ZSWIM6: variants seen among roughly 807,000 people sequenced by gnomAD.
ZSWIM6 encodes the protein zinc finger SWIM-type containing 6.
In ZSWIM6, 9 loss-of-function variants were observed where a neutral mutation model predicts 113.2. That is an observed-to-expected ratio of 0.08 (90% CI 0.05 to 0.14). The LOEUF is 0.14. ZSWIM6 is among the 10% of genes least tolerant of loss of function. The pLI, the probability that ZSWIM6 is intolerant of heterozygous loss-of-function variation, is 1.00. For synonymous variants in ZSWIM6, 611 were observed against 606.5 expected, an observed-to-expected ratio of 1.01 and a Z score of -0.11; for missense variants, 1,162 against 1,552.2, an observed-to-expected ratio of 0.75 and a Z score of 4.22.
chr5:61,487,581 G>C (rs959937030), intron 2 of ZSWIM6, among the ~76,000 whole-genome samples: 3 of 151,674 alleles, frequency 2.0e-5, no homozygotes, highest in African/African-American at 7.3e-5. Flanking sequence ...CTGTTTTATA[G>C]TTTTTTTGTA....
chr5:61,349,373 G>T (rs747759142), intron 1 of ZSWIM6, among the ~76,000 whole-genome samples: 2 of 152,194 alleles, frequency 1.3e-5, no homozygotes, highest in Non-Finnish European at 2.9e-5. Context: ...TTGAATGAAT[G>T]ATAGCCTTAG....
chr5:61,469,272 G>A (rs1200233315), intron 1 of ZSWIM6, among the ~76,000 whole-genome samples: 1 of 152,226 alleles, frequency 6.6e-6, no homozygotes, highest in Non-Finnish European at 1.5e-5. Flanking sequence ...TAGGCGGGCA[G>A]AGTAGAATTT....
At chr5:61,483,712 C>CAA (rs36120611) in intron 2 of ZSWIM6, among the ~76,000 whole-genome samples, 1,683 of 125,764 alleles carry the variant, frequency 0.013, 20 homozygotes, top group Non-Finnish European at 0.022. Context: ...ACTAAAAATA[C>CAA]AAAAAAAAAA....
chr5:61,532,139 C>T (rs961592147), intron 9 of ZSWIM6, among the ~76,000 whole-genome samples: 6 of 152,124 alleles, frequency 3.9e-5, no homozygotes, highest in Admixed American at 2.6e-4. Context: ...AAATTATTGG[C>T]GGTTACATGA....
intron 1 of ZSWIM6, among the ~76,000 whole-genome samples, chr5:61,339,789 A>T (rs545440642): frequency 1.3e-5 from 2 of 152,374 alleles, no homozygotes; most frequent in African/African-American, 2.4e-5. Context: ...TATAATTTTT[A>T]AAATAGTGCT....
rs1386824940 is a variant in ZSWIM6 at position 61,447,500 on chromosome 5, A to G, written c.677-25181A>G. ...AGCAAATCCAGCTGCTGGTATCCAC[A>G]AAGGACACTCACTCATCTGAACATA... is the stretch of plus-strand genomic sequence containing the variant. On this transcript the variant is annotated intron_variant, in intron 1 of 13. Transcript: ENST00000252744. 3.3e-5 allele frequency among the ~76,000 whole-genome samples: 5 copies of G among 152,276 alleles called. No homozygotes were observed. In the South Asian group the frequency reaches 8.3e-4, roughly 25 times the overall value.
At position 61,332,279 on chromosome 5, in the gene ZSWIM6, G is replaced by A; in HGVS notation, c.7G>A (p.Glu3Lys). 1 of 1,166,386 alleles carries A rather than the reference G, an allele frequency of 8.6e-7. No homozygotes were observed. The highest frequency in any genetic ancestry group is 1.1e-6 in the Non-Finnish European group (1 of 944,218). 72.3% of individuals were successfully genotyped at this position (1,166,386 alleles called of 1,614,324 possible). A position where few individuals can be genotyped will look rare whatever the true frequency, so the allele number is the denominator to read the frequency against. The part of the protein sequence containing the change: MA[E>K]RGQQPPPAKR... ...GGTTAGAAGCGGCGCGGTCATGGCG[G>A]AGCGCGGACAGCAGCCTCCTCCCGC... Residue 3 changes from glutamate to lysine, a missense_variant, in exon 1 of 14, where the codon GAG becomes AAG. Transcript: ENST00000252744.
At position 61,454,567 on chromosome 5, in the gene ZSWIM6, G is replaced by GT. The variant is rs35249460; in HGVS notation, c.677-18095dup. Among the ~76,000 whole-genome samples, 1,139 of 128,230 alleles carry GT rather than the reference G, an allele frequency of 8.9e-3. 8 individuals carry two copies. Among genetic ancestry groups the GT allele is most frequent in the Admixed American group, 0.027 (330 of 12,286 alleles). 84.1% of individuals were successfully genotyped at this position (128,230 alleles called of 152,430 possible). A position where few individuals can be genotyped will look rare whatever the true frequency, so the allele number is the denominator to read the frequency against. On this transcript the variant is annotated intron_variant, in intron 1 of 13. Coordinates refer to ENST00000252744, the MANE Select transcript of ZSWIM6 (RefSeq NM_020928.2). ...TATGAGCCACCGTGCCTATCCCTAAGTTTTTTTTTTTTTTTTTTTCTTTTC... is the reference window on the plus strand; with the variant it reads ...TATGAGCCACCGTGCCTATCCCTAAGTTTTTTTTTTTTTTTTTTTTCTTTTC...
chr5:61,481,402 GTGTC>G (rs139065532), intron 2 of ZSWIM6, among the ~76,000 whole-genome samples: 4 of 151,884 alleles, frequency 2.6e-5, no homozygotes, highest in East Asian at 3.9e-4. Context: ...CACTGGAGAG[GTGTC>G]TGTCTGATGC....
intron 1 of ZSWIM6, among the ~76,000 whole-genome samples, chr5:61,382,536 G>C (rs907046730): frequency 6.6e-6 from 1 of 152,180 alleles, no homozygotes; most frequent in African/African-American, 2.4e-5. Flanking sequence ...GGGCGCAGTG[G>C]CTCATGCCCA....
intron 4 of ZSWIM6, among the ~76,000 whole-genome samples, chr5:61,495,768 A>G (rs1748299030): frequency 1.3e-5 from 2 of 152,276 alleles, no homozygotes; most frequent in African/African-American, 4.8e-5. Flanking sequence ...ACCTTTTTCA[A>G]TTTTGTAACT....
At chr5:61,422,384 T>C (rs1388292459) in intron 1 of ZSWIM6, among the ~76,000 whole-genome samples, 1 of 152,242 alleles carries the variant, frequency 6.6e-6, no homozygotes, top group East Asian at 1.9e-4. Context: ...TGTAGATATA[T>C]GGATTCATCT....
intron 1 of ZSWIM6, among the ~76,000 whole-genome samples, chr5:61,379,185 G>GAAAAA (rs1211778480): frequency 2.1e-4 from 8 of 38,452 alleles, no homozygotes; most frequent in Admixed American, 3.3e-4. Flanking sequence ...TCCTGTCTCT[G>GAAAAA]AAAAAAAAAA....
At chr5:61,338,462 T>C (rs1744452852) in intron 1 of ZSWIM6, among the ~76,000 whole-genome samples, 3 of 152,216 alleles carry the variant, frequency 2.0e-5, no homozygotes, top group African/African-American at 7.2e-5. Context: ...ACCAGTTGCA[T>C]AGGTATTTTT....
chr5:61,395,663 C>T (rs1200514662), intron 1 of ZSWIM6, among the ~76,000 whole-genome samples: 1 of 152,092 alleles, frequency 6.6e-6, no homozygotes. Context: ...TTTGATATAT[C>T]AGGAAAGATT....
chr5:61,492,749 G>A (rs761618884), intron 3 of ZSWIM6, among the ~76,000 whole-genome samples: 2 of 152,074 alleles, frequency 1.3e-5, no homozygotes, highest in Non-Finnish European at 2.9e-5. Context: ...GTGCTTTTGA[G>A]TTCTTTATAA....
intron 1 of ZSWIM6, among the ~76,000 whole-genome samples, chr5:61,372,549 T>C (rs1243996932): frequency 1.3e-5 from 2 of 152,180 alleles, no homozygotes; most frequent in African/African-American, 4.8e-5. Flanking sequence ...TTCTCTTACC[T>C]CTTTGGTAAC....
At chr5:61,494,226 A>G in intron 3 of ZSWIM6, 34 bp from the exon 4 acceptor site, 1 of 1,542,786 alleles carries the variant, frequency 6.5e-7, no homozygotes, top group Non-Finnish European at 8.8e-7. Flanking sequence ...TTTCGTTTTG[A>G]ACAATTTTCT....
chr5:61,333,051 G>C, intron 1 of ZSWIM6, 103 bp downstream of exon 1: 1 of 1,037,092 alleles, frequency 9.6e-7, no homozygotes, highest in Non-Finnish European at 1.2e-6. Context: ...TTCCGCGCGC[G>C]CCCGCACCCC....
Sources: allele counts gnomAD v4.1 joint callset (sites outside exome capture counted in the v4.1 genomes callset), GRCh38; gene constraint gnomAD v4.1.1; transcripts MANE v1.5; gene names NCBI Gene and HGNC (gene_info 2026-07-23, HGNC 2026-07-21).